CRYM: variants seen among roughly 807,000 people sequenced by gnomAD.
The protein encoded by CRYM is ketimine reductase mu-crystallin.
Under a neutral mutation model 32.9 loss-of-function variants are expected in CRYM, and 18 were observed. The observed-to-expected ratio is 0.55, with a 90% CI of 0.38 to 0.81. CRYM has a LOEUF of 0.81. Among genes scored for constraint, CRYM ranks in the 30% least tolerant of loss-of-function variants. The pLI, the probability that CRYM is intolerant of heterozygous loss-of-function variation, is 0.00. For missense variants in CRYM, 337 were observed against 393.5 expected, an observed-to-expected ratio of 0.86 and a Z score of 1.21; for synonymous variants, 153 against 152.4, an observed-to-expected ratio of 1.00 and a Z score of -0.03.
At chr16:21,259,802 C>A (rs760890499) in intron 7 of CRYM, among the ~76,000 whole-genome samples, 1 of 152,120 alleles carries the variant, frequency 6.6e-6, no homozygotes, top group Non-Finnish European at 1.5e-5. Flanking sequence ...ACCTCTGCAC[C>A]CAGCACAGAT....
At chr16:21,298,597 AG>A (rs1960834812) in intron 1 of CRYM, among the ~76,000 whole-genome samples, 1 of 152,232 alleles carries the variant, frequency 6.6e-6, no homozygotes, top group African/African-American at 2.4e-5. Context: ...TCACAATTTT[AG>A]GGGTGCATGT....
intron 1 of CRYM, among the ~76,000 whole-genome samples, chr16:21,290,735 T>A (rs972683419): frequency 1.3e-5 from 2 of 152,228 alleles, no homozygotes; most frequent in Non-Finnish European, 2.9e-5. Flanking sequence ...CATATTTAAT[T>A]TAGTATTTAG....
At chr16:21,268,813 T>C (rs1045351571) in intron 4 of CRYM, 1 of 152,168 alleles carries the variant, frequency 6.6e-6, no homozygotes, top group Non-Finnish European at 1.5e-5. Context: ...TGAAAACAGA[T>C]GAAAGGGCAT....
chr16:21,289,963 C>G (rs1163577512), intron 1 of CRYM, among the ~76,000 whole-genome samples: 1 of 151,804 alleles, frequency 6.6e-6, no homozygotes, highest in East Asian at 1.9e-4. Context: ...CACTCTGTGT[C>G]TAGCTAAAGG....
At chr16:21,285,697 T>C (rs2093406155) in intron 1 of CRYM, among the ~76,000 whole-genome samples, 1 of 152,226 alleles carries the variant, frequency 6.6e-6, no homozygotes, top group Non-Finnish European at 1.5e-5. Context: ...TGCAAATAAC[T>C]ATTTTGCCAT....
At chr16:21,278,728 A>T (rs2093392778), upstream of CRYM, 3 of 169,896 alleles carry the variant, frequency 1.8e-5, no homozygotes, top group East Asian at 1.8e-4. Flanking sequence ...GGCTTATTTA[A>T]TTTTTTTTTC....
At chr16:21,262,642 A>C (rs372115444) in intron 5 of CRYM, among the ~76,000 whole-genome samples, 2 of 151,994 alleles carry the variant, frequency 1.3e-5, no homozygotes, top group Non-Finnish European at 2.9e-5. Context: ...AACAAACAAA[A>C]AAAACTACCT....
chr16:21,262,610 C>T (rs1038426751), intron 5 of CRYM, among the ~76,000 whole-genome samples: 2 of 152,078 alleles, frequency 1.3e-5, no homozygotes, highest in South Asian at 2.1e-4. Context: ...CAGAGTGAGG[C>T]TCCATCTCAA....
At chr16:21,300,414 A>G (rs552187598) in intron 1 of CRYM, 81 of 151,784 alleles carry the variant, frequency 5.3e-4, no homozygotes, top group African/African-American at 1.9e-3. Context: ...TTAGAAGACT[A>G]TTCTGTCAGA....
At chr16:21,266,572 CAT>C (rs1431306652) in intron 5 of CRYM, among the ~76,000 whole-genome samples, 1 of 152,048 alleles carries the variant, frequency 6.6e-6, no homozygotes, top group Non-Finnish European at 1.5e-5. Context: ...ATACATGTCA[CAT>C]AAAAAATTAC....
In CRYM at chr16:21,258,681, A is replaced by T; in HGVS notation, c.*100T>A. ...GGTAAAACATGATAAGCACAAAAGG[A>T]GAGTTCACTGGGGACTGGACTCCCT... On this transcript the variant is annotated 3_prime_UTR_variant, in exon 8 of 8. Coordinates refer to ENST00000572914, the MANE Select transcript of CRYM (RefSeq NM_001376256.1). The T allele has an allele frequency of 1.0e-6, 1 of 996,226 alleles. No homozygotes were observed. The allele number at this position is 996,226 out of a possible 1,614,324, so 61.7% of individuals were successfully genotyped here. A position where few individuals can be genotyped will look rare whatever the true frequency, so the allele number is the denominator to read the frequency against.
At chr16:21,270,967 G>C (rs2093374233) in intron 3 of CRYM, among the ~76,000 whole-genome samples, 1 of 152,182 alleles carries the variant, frequency 6.6e-6, no homozygotes, top group African/African-American at 2.4e-5. Context: ...GCACTTATTT[G>C]TTTGTAGATT....
In CRYM at chr16:21,277,600, G is replaced by C. The variant is rs781539701; in HGVS notation, c.171-16C>G. The C allele has an allele frequency of 6.2e-7, 1 of 1,613,172 alleles. No individual in the cohort carries two copies. The highest frequency in any genetic ancestry group is 1.1e-5 in the South Asian group (1 of 91,042). On this transcript the variant is annotated splice_polypyrimidine_tract_variant and intron_variant, in intron 1 of 7. Coordinates refer to ENST00000572914, the MANE Select transcript of CRYM (RefSeq NM_001376256.1). The surrounding 1 kb of genome is among the most constrained non-coding windows in gnomAD (Gnocchi z 4.2). The stretch of plus-strand genomic sequence containing the variant: ...CCCCAGGTAGCTACAAGGAGAGAGG[G>C]AGCAGCTTCAGCCCCTTCCCATCAA...
chr16:21,268,952 T>C (rs1351627849), intron 4 of CRYM, among the ~76,000 whole-genome samples: 1 of 152,050 alleles, frequency 6.6e-6, no homozygotes, highest in East Asian at 1.9e-4. Context: ...CAGACTAGCC[T>C]GGCCAACATG....
At chr16:21,292,972 A>G (rs1398304166) in intron 1 of CRYM, among the ~76,000 whole-genome samples, 2 of 152,208 alleles carry the variant, frequency 1.3e-5, no homozygotes, top group Non-Finnish European at 2.9e-5. Context: ...GGATGGATGG[A>G]TTGATGGATG....
Position 21,278,062 on chromosome 16 carries a change from C to A in CRYM, c.170+20G>T. 1.3e-6 allele frequency: 2 copies of A among 1,538,692 alleles called. No homozygotes were observed. The highest frequency in any genetic ancestry group is 1.7e-6 in the Non-Finnish European group (2 of 1,144,900). On this transcript the variant is annotated intron_variant, in intron 1 of 7. Coordinates refer to ENST00000572914, the MANE Select transcript of CRYM (RefSeq NM_001376256.1). ...GCTTTCCAGTTTCTCCTGCCCCTGA[C>A]CCCGACCCTCCTCACTCACCCCCTG...
chr16:21,302,892 C>T (rs56230025), intron 1 of CRYM: 2,418 of 152,416 alleles, frequency 0.016, 25 homozygotes, highest in Non-Finnish European at 0.024. Flanking sequence ...AAAGAAAATG[C>T]TCTGTATTAA....
intron 2 of CRYM, among the ~76,000 whole-genome samples, chr16:21,276,043 C>T (rs1364828101): frequency 2.0e-5 from 3 of 152,170 alleles, no homozygotes; most frequent in Admixed American, 6.5e-5. Flanking sequence ...TGGAAAGCTT[C>T]GTGAAGATGC....
intron 4 of CRYM, 90 bp from the exon 5 acceptor site, chr16:21,267,827 T>G (rs554668090): frequency 5.8e-4 from 725 of 1,254,050 alleles, no homozygotes; most frequent in Non-Finnish European, 7.2e-4. Context: ...AAAGTTGAAC[T>G]ACTCTGGCAT....
Sources: gnomAD v4.1 joint callset for allele counts (sites outside exome capture counted in the v4.1 genomes callset) on GRCh38, gnomAD v4.1.1 for gene constraint, Gnocchi (gnomAD v3.1) non-coding constraint, MANE v1.5 for transcripts, NCBI Gene and HGNC (gene_info 2026-07-23, HGNC 2026-07-21) for gene names.